CDC20B: variants seen among roughly 807,000 people sequenced by gnomAD.
The protein encoded by CDC20B is cell division cycle protein 20 homolog B.
Under a neutral mutation model 64.1 loss-of-function variants are expected in CDC20B, and 58 were observed. The ratio of observed to expected loss-of-function variants is 0.90; its 90% CI spans 0.73 to 1.13. The LOEUF (loss-of-function observed/expected upper bound fraction) is 1.13. Among genes scored for constraint, CDC20B ranks in the 50% most tolerant of loss-of-function variants. The pLI, the probability that CDC20B is intolerant of heterozygous loss-of-function variation, is 0.00. For missense variants in CDC20B, 597 were observed against 633.0 expected, an observed-to-expected ratio of 0.94 and a Z score of 0.61; for synonymous variants, 243 against 230.6, an observed-to-expected ratio of 1.05 and a Z score of -0.49.
At chr5:55,129,764 T>C (rs10076652) in intron 6 of CDC20B, among the ~76,000 whole-genome samples, 1,694 of 152,308 alleles carry the variant, frequency 0.011, 40 homozygotes, top group African/African-American at 0.039. Flanking sequence ...CAAACCAGCA[T>C]GGTCAAAGTT....
intron 2 of CDC20B, among the ~76,000 whole-genome samples, chr5:55,157,492 C>G (rs1334988585): frequency 1.3e-5 from 2 of 152,138 alleles, no homozygotes. Context: ...GCTCTTAAGC[C>G]TTAGGAACAT....
chr5:55,143,706 G>A, intron 3 of CDC20B, 63 bp from the exon 4 acceptor site: 1 of 1,479,774 alleles, frequency 6.8e-7, no homozygotes, highest in Non-Finnish European at 9.1e-7. Context: ...TTTGATTGTA[G>A]GTCTGGCTGT....
chr5:55,170,238 T>G (rs1245918741), intron 2 of CDC20B, among the ~76,000 whole-genome samples: 1 of 152,226 alleles, frequency 6.6e-6, no homozygotes, highest in South Asian at 2.1e-4. Flanking sequence ...GTTAAAAACA[T>G]GTAATTTCAT....
intron 2 of CDC20B, 110 bp downstream of exon 2, chr5:55,172,478 T>G: frequency 1.2e-6 from 1 of 856,572 alleles, no homozygotes; most frequent in Middle Eastern, 2.2e-4. Context: ...ATACTAAAAT[T>G]CTCATATTTT....
chr5:55,142,748 A>G lies in CDC20B; in HGVS notation c.486+765T>C, dbSNP rs766781773. Among the ~76,000 whole-genome samples the G allele has an allele frequency of 6.2e-5, 9 of 144,962 alleles. No homozygotes were observed. The South Asian group carries it at 6.2e-4, about 10-fold the overall frequency. ...CTAAAACATTCACTTCCAATTGCATATGAGTTCAGATAACTAAAATTTATA... is the reference window on the plus strand; with the variant it reads ...CTAAAACATTCACTTCCAATTGCATGTGAGTTCAGATAACTAAAATTTATA... On this transcript the variant is annotated intron_variant, in intron 4 of 11. Coordinates refer to ENST00000381375, the MANE Select transcript of CDC20B (RefSeq NM_001170402.1).
chr5:55,117,848 C>T (rs563841745), intron 11 of CDC20B, among the ~76,000 whole-genome samples: 15 of 152,306 alleles, frequency 9.8e-5, no homozygotes, highest in South Asian at 6.2e-4. Context: ...GGCATGGTGG[C>T]TCATACCTAT....
intron 5 of CDC20B, among the ~76,000 whole-genome samples, chr5:55,133,809 A>G (rs542148910): frequency 1.2e-4 from 18 of 152,322 alleles, no homozygotes; most frequent in Middle Eastern, 3.4e-3. Flanking sequence ...TGTGAGGAGT[A>G]CACAGAGATA....
intron 2 of CDC20B, among the ~76,000 whole-genome samples, chr5:55,149,293 T>C (rs1255767726): frequency 1.3e-5 from 2 of 152,196 alleles, no homozygotes; most frequent in Admixed American, 1.3e-4. Flanking sequence ...GATGCAGTCA[T>C]TGTGGAAGAT....
intron 3 of CDC20B, among the ~76,000 whole-genome samples, chr5:55,145,558 G>A (rs1467089827): frequency 6.6e-6 from 1 of 152,198 alleles, no homozygotes; most frequent in East Asian, 1.9e-4. Flanking sequence ...ATTTCAGAAA[G>A]AGAGTTTGTG....
At chr5:55,122,576 TG>T (rs1742785749) in intron 9 of CDC20B, among the ~76,000 whole-genome samples, 1 of 152,214 alleles carries the variant, frequency 6.6e-6, no homozygotes. Context: ...CCTTTGAATG[TG>T]GGACTTGTGA....
intron 6 of CDC20B, among the ~76,000 whole-genome samples, chr5:55,132,459 AAT>A (rs1743055014): frequency 6.6e-6 from 1 of 152,110 alleles, no homozygotes; most frequent in Non-Finnish European, 1.5e-5. Context: ...TCTCCTTTAA[AAT>A]AATATTCAAG....
At chr5:55,127,439 A>T in intron 7 of CDC20B, 88 bp from the exon 8 acceptor site, 1 of 1,014,326 alleles carries the variant, frequency 9.9e-7, no homozygotes, top group Non-Finnish European at 1.5e-6. Flanking sequence ...ATTACTGCTG[A>T]TATTGTTAGT....
rs1742547120 is a variant in CDC20B at position 55,113,204 on chromosome 5, TAGG to T, written c.*1011_*1013del. ...ACAAGACTTAGCCAAAGTCTTAATA[TAGG>T]AGATGAATGTGAATTAACATTCAAA... On this transcript the variant is annotated 3_prime_UTR_variant, in exon 12 of 12. Transcript: ENST00000381375. 1 of 152,114 alleles carries T rather than the reference TAGG, an allele frequency of 6.6e-6. No homozygotes were observed. The highest frequency in any genetic ancestry group is 1.5e-5 in the Non-Finnish European group (1 of 68,032). 9.4% of individuals were successfully genotyped at this position (152,114 alleles called of 1,614,324 possible).
chr5:55,143,924 A>G (rs1743400813), intron 3 of CDC20B, among the ~76,000 whole-genome samples: 1 of 151,816 alleles, frequency 6.6e-6, no homozygotes, highest in South Asian at 2.1e-4. Context: ...TAGAGCAGGG[A>G]AGAGGTGCCA....
At chr5:55,120,161 A>T (rs1580336635) in intron 10 of CDC20B, among the ~76,000 whole-genome samples, 1 of 152,178 alleles carries the variant, frequency 6.6e-6, no homozygotes, top group East Asian at 1.9e-4. Flanking sequence ...ATTGGCCAGG[A>T]AGAGCCAGAT....
At chr5:55,118,026 G>A (rs1742665137) in intron 11 of CDC20B, among the ~76,000 whole-genome samples, 1 of 152,128 alleles carries the variant, frequency 6.6e-6, no homozygotes, top group Admixed American at 6.5e-5. Context: ...GGCTGAGGCA[G>A]GAGAATTGCT....
chr5:55,133,163 AG>A (rs1318546303), intron 6 of CDC20B, among the ~76,000 whole-genome samples: 1 of 152,230 alleles, frequency 6.6e-6, no homozygotes, highest in East Asian at 1.9e-4. Flanking sequence ...GACCATCATT[AG>A]TACAATTCTT....
intron 2 of CDC20B, among the ~76,000 whole-genome samples, chr5:55,159,843 T>TA (rs1272591877): frequency 6.6e-6 from 1 of 152,202 alleles, no homozygotes; most frequent in Non-Finnish European, 1.5e-5. Flanking sequence ...GCTCAATAAA[T>TA]ACACAGCTTA....
chr5:55,164,213 C>A, intron 2 of CDC20B: 1 of 1,535,978 alleles, frequency 6.5e-7, no homozygotes, highest in South Asian at 1.3e-5. Context: ...GAAAGAGGAT[C>A]TATGAGAATG....
Sources: gnomAD v4.1 joint callset for allele counts (sites outside exome capture counted in the v4.1 genomes callset) on GRCh38, gnomAD v4.1.1 for gene constraint, MANE v1.5 for transcripts, NCBI Gene and HGNC (gene_info 2026-07-23, HGNC 2026-07-21) for gene names.